Variants in DMD observed in about 807,000 individuals in gnomAD.
The protein encoded by DMD is mutant dystrophin.
DMD carries 63 observed loss-of-function variants against 330.1 expected under a neutral mutation model. That is an observed-to-expected ratio of 0.19 (90% CI 0.16 to 0.24). The LOEUF is 0.24. DMD is among the 10% of genes least tolerant of loss of function. The pLI, the probability that DMD is intolerant of heterozygous loss-of-function variation, is 1.00. For synonymous variants in DMD, 1,223 were observed against 959.8 expected, an observed-to-expected ratio of 1.27 and a Z score of -5.07; for missense variants, 3,344 against 2,684.1, an observed-to-expected ratio of 1.25 and a Z score of -5.43.
chrX:32,776,139 G>T (rs745677011), intron 7 of DMD, among the ~76,000 whole-genome samples: 9 of 111,373 alleles, frequency 8.1e-5, no homozygotes, highest in African/African-American at 2.9e-4. Flanking sequence ...TTTTACTCCA[G>T]TTCCCAACAA....
intron 7 of DMD, among the ~76,000 whole-genome samples, chrX:32,778,887 C>T (rs1447926860): frequency 9.0e-6 from 1 of 111,300 alleles, no homozygotes; most frequent in Non-Finnish European, 1.9e-5. Flanking sequence ...ATGTACTATA[C>T]TCACAGGTTC....
intron 2 of DMD, among the ~76,000 whole-genome samples, chrX:32,924,510 G>A (rs1028859880): frequency 5.4e-5 from 6 of 111,578 alleles, no homozygotes; most frequent in Non-Finnish European, 7.5e-5. Context: ...GGGTGCCAGA[G>A]AGAGATCTTG....
intron 55 of DMD, among the ~76,000 whole-genome samples, chrX:31,559,764 T>C (rs1250807344): frequency 9.1e-6 from 1 of 109,679 alleles, no homozygotes; most frequent in Non-Finnish European, 1.9e-5. Context: ...TCACACTGTT[T>C]GAGGGTCAAC....
At chrX:32,844,101 C>T (rs5972690) in intron 4 of DMD, among the ~76,000 whole-genome samples, 37,076 of 110,553 alleles carry the variant, frequency 0.34, 5,846 homozygotes, top group African/African-American at 0.61. Flanking sequence ...TTGCACAAAA[C>T]ACTGCCGTAA....
chrX:32,307,244 T>A (rs763381763), intron 42 of DMD, among the ~76,000 whole-genome samples: 5 of 111,145 alleles, frequency 4.5e-5, no homozygotes, highest in Non-Finnish European at 7.6e-5. Flanking sequence ...ATGAGGCAGG[T>A]TTTTACTGTG....
At chrX:31,231,475 T>C (rs962515407) in intron 63 of DMD, among the ~76,000 whole-genome samples, 27 of 112,442 alleles carry the variant, frequency 2.4e-4, no homozygotes, top group African/African-American at 8.7e-4. Context: ...TTATTGTGCA[T>C]GTACTATAAG....
chrX:32,414,465 G>C (rs777119542), intron 29 of DMD, among the ~76,000 whole-genome samples: 61 of 111,746 alleles, frequency 5.5e-4, no homozygotes, highest in African/African-American at 1.9e-3. Flanking sequence ...CTTGCACTTT[G>C]TATGTGCCAT....
chrX:32,252,685 A>AAATATATATATAAATATATATAAAT lies in DMD; in HGVS notation c.6290+34843_6290+34844insATTTATATATATTTATATATATATT, dbSNP rs1569553590. On this transcript the variant is annotated intron_variant, in intron 43 of 78. Transcript: ENST00000357033. ...ATAAATATATATATATAAATATATA[A>AAATATATATATAAATATATATAAAT]ATATATATATAAATATATATAAATA... Among the ~76,000 whole-genome samples, 3 of 26,507 alleles carry AAATATATATATAAATATATATAAAT rather than the reference A, an allele frequency of 1.1e-4. 1 individual carries two copies. Among genetic ancestry groups the AAATATATATATAAATATATATAAAT allele is most frequent in the Non-Finnish European group, 1.8e-4 (3 of 16,351 alleles). 23.0% of individuals were successfully genotyped at this position (26,507 alleles called of 115,157 possible).
At chrX:32,501,873 A>T (rs1335504989) in intron 18 of DMD, 31 bp from the exon 19 acceptor site, 1 of 1,048,596 alleles carries the variant, frequency 9.5e-7, no homozygotes, top group East Asian at 3.1e-5. Flanking sequence ...TGAGTAATTC[A>T]ATACAAGGAC....
chrX:32,551,284 C>T (rs1421195909), intron 16 of DMD, among the ~76,000 whole-genome samples: 2 of 111,331 alleles, frequency 1.8e-5, no homozygotes, highest in Non-Finnish European at 3.8e-5. Flanking sequence ...AAAGCTAATC[C>T]ACCATGATCA....
At chrX:33,034,168 T>G (rs1406007789) in intron 1 of DMD, among the ~76,000 whole-genome samples, 1 of 111,370 alleles carries the variant, frequency 9.0e-6, no homozygotes, top group Non-Finnish European at 1.9e-5. Context: ...GAATATAAAA[T>G]TCATGAATTG....
At chrX:32,910,440 T>C (rs1018614291) in intron 2 of DMD, among the ~76,000 whole-genome samples, 1 of 110,928 alleles carries the variant, frequency 9.0e-6, no homozygotes, top group African/African-American at 3.3e-5. Flanking sequence ...TTTTCTTTTA[T>C]TTTTTTTAGA....
chrX:31,239,641 C>A (rs974969618), intron 63 of DMD, among the ~76,000 whole-genome samples: 2 of 111,546 alleles, frequency 1.8e-5, no homozygotes, highest in African/African-American at 3.3e-5. Context: ...ACAGAGGGCC[C>A]GTGAATTTCT....
In DMD at chrX:31,595,738, G is replaced by GTT. The variant is rs5901989; in HGVS notation, c.8217+31933_8217+31934dup. Among the ~76,000 whole-genome samples, 783 of 100,626 alleles carry GTT rather than the reference G, an allele frequency of 7.8e-3. 5 individuals are homozygous for GTT. Among genetic ancestry groups the GTT allele is most frequent in the African/African-American group, 0.01 (291 of 28,095 alleles). 87.4% of individuals were successfully genotyped at this position (100,626 alleles called of 115,157 possible). A position where few individuals can be genotyped will look rare whatever the true frequency, so the allele number is the denominator to read the frequency against. ...ATTTCACTTTCAAAGGACCTATGCT[G>GTT]TTTTTTTTTTTTGAAGATTGCAACT... On this transcript the variant is annotated intron_variant, in intron 55 of 78. Coordinates refer to ENST00000357033, the MANE Select transcript of DMD (RefSeq NM_004006.3).
At chrX:31,975,345 T>TA (rs1207857030) in intron 44 of DMD, among the ~76,000 whole-genome samples, 1 of 112,128 alleles carries the variant, frequency 8.9e-6, no homozygotes, top group Non-Finnish European at 1.9e-5. Flanking sequence ...GAATAGGTTT[T>TA]AGTTTGCTAA....
At chrX:31,902,704 C>T (rs1384778540) in intron 47 of DMD, among the ~76,000 whole-genome samples, 4 of 111,679 alleles carry the variant, frequency 3.6e-5, no homozygotes, top group Non-Finnish European at 7.6e-5. Flanking sequence ...TTGAACATCT[C>T]CTAGGTATAA....
At chrX:32,711,862 T>G (rs1333940108) in intron 7 of DMD, among the ~76,000 whole-genome samples, 2 of 112,012 alleles carry the variant, frequency 1.8e-5, no homozygotes, top group Admixed American at 9.5e-5. Context: ...TGTACTTTCT[T>G]AAGATGTGCT....
At chrX:32,768,665 G>A (rs2073269716) in intron 7 of DMD, among the ~76,000 whole-genome samples, 1 of 111,395 alleles carries the variant, frequency 9.0e-6, no homozygotes, top group Non-Finnish European at 1.9e-5. Flanking sequence ...ATCCCACTGG[G>A]ACCACGATTT....
chrX:31,379,326 T>C (rs1258037813), intron 60 of DMD, among the ~76,000 whole-genome samples: 2 of 110,790 alleles, frequency 1.8e-5, no homozygotes, highest in African/African-American at 6.6e-5. Flanking sequence ...CTTAAAAAGG[T>C]GGCTGGAGCT....
Sources: gnomAD v4.1 joint callset for allele counts (sites outside exome capture counted in the v4.1 genomes callset) on GRCh38, gnomAD v4.1.1 for gene constraint, MANE v1.5 for transcripts, NCBI Gene and HGNC (gene_info 2026-07-23, HGNC 2026-07-21) for gene names.